EP400: variants seen among roughly 807,000 people sequenced by gnomAD.
The protein encoded by EP400 is E1A binding protein p400, also known as E1A-binding protein p400.
EP400 carries 105 observed loss-of-function variants against 354.1 expected under a neutral mutation model. The observed-to-expected ratio is 0.30, with a 90% CI of 0.25 to 0.35. The LOEUF (loss-of-function observed/expected upper bound fraction) is 0.35. Among genes scored for constraint, EP400 ranks in the 10% least tolerant of loss-of-function variants. EP400 has a pLI of 1.00. For missense variants in EP400, 3,280 were observed against 4,121.0 expected, an observed-to-expected ratio of 0.80 and a Z score of 5.59; for synonymous variants, 1,646 against 1,716.9, an observed-to-expected ratio of 0.96 and a Z score of 1.02.
Position 132,064,839 on chromosome 12 carries a change from G to A in EP400, c.8506G>A (p.Ala2836Thr), listed in dbSNP as rs1222562089. The A allele has an allele frequency of 1.2e-6, 2 of 1,611,946 alleles. No individual in the cohort carries two copies. The highest frequency in any genetic ancestry group is 1.3e-5 in the African/African-American group (1 of 74,918). ...LTTVTAPRPG[A>T]LLTGTTVANL... ...GACGGTCACGGCCCCAAGGCCTGGT[G>A]CCCTGCTGACGGGCACCACCGTGGC... Residue 2836 changes from alanine (A) to threonine (T), a missense_variant, in exon 48 of 53, where the codon GCC (alanine) becomes ACC (threonine). This residue lies in a region of EP400 where 86 missense variants were observed against 66.4 expected (regional missense o/e 1.29). Coordinates refer to ENST00000389561, the MANE Select transcript of EP400 (RefSeq NM_015409.5).
intron 2 of EP400, among the ~76,000 whole-genome samples, chr12:131,978,251 G>A (rs559549274): frequency 9.2e-5 from 14 of 152,120 alleles, no homozygotes; most frequent in Admixed American, 3.9e-4. Flanking sequence ...TTGCTCCCCC[G>A]CCCATGTGCA....
At chr12:132,061,960 A>C (rs1172254175) in intron 45 of EP400, 150 bp from the exon 46 acceptor site, 1 of 653,560 alleles carries the variant, frequency 1.5e-6, no homozygotes, top group African/African-American at 1.8e-5. Context: ...TTACACATGA[A>C]ATCAGCAGTT....
intron 45 of EP400, among the ~76,000 whole-genome samples, chr12:132,060,895 C>T (rs557145258): frequency 3.0e-5 from 4 of 131,488 alleles, no homozygotes; most frequent in Admixed American, 8.8e-5. Context: ...GCCTGGGCAA[C>T]GAGAGCAAGA....
In EP400 at chr12:132,013,732, A is replaced by G. The variant is rs953770963; in HGVS notation, c.3787-45A>G. Reference sequence around the variant, plus strand: ...GTATGCCTTGTTATAAACGTGTTACAGCAGCATTTTTGGAAAGAAAACAGT... The same window carrying G: ...GTATGCCTTGTTATAAACGTGTTACGGCAGCATTTTTGGAAAGAAAACAGT... On this transcript the variant is annotated intron_variant, in intron 18 of 52. Transcript: ENST00000389561. This position sits in a 1 kb window ranked among gnomAD's most constrained non-coding sequence, Gnocchi z 4.5. 3 of 1,610,828 alleles carry G rather than the reference A, an allele frequency of 1.9e-6. No individual in the cohort carries two copies. The highest frequency in any genetic ancestry group is 1.3e-5 in the African/African-American group (1 of 74,712).
chr12:131,989,451 C>G (rs1892961367), intron 7 of EP400, among the ~76,000 whole-genome samples: 1 of 152,240 alleles, frequency 6.6e-6, no homozygotes, highest in African/African-American at 2.4e-5. Flanking sequence ...ATTGTGCTCT[C>G]AGGGCTCCAA....
intron 30 of EP400, among the ~76,000 whole-genome samples, chr12:132,033,272 C>G (rs1894586444): frequency 1.3e-5 from 2 of 152,120 alleles, no homozygotes; most frequent in Non-Finnish European, 2.9e-5. Context: ...AAGATAAAAA[C>G]TATAACTGTC....
intron 48 of EP400, 40 bp downstream of exon 48, chr12:132,064,926 T>G (rs776656224): frequency 1.3e-6 from 2 of 1,554,842 alleles, no homozygotes; most frequent in Non-Finnish European, 1.7e-6. Flanking sequence ...AAGCAGCATC[T>G]TTTTATGTTT....
intron 12 of EP400, among the ~76,000 whole-genome samples, chr12:132,002,250 G>T (rs771117971): frequency 4.6e-5 from 7 of 152,034 alleles, no homozygotes; most frequent in Non-Finnish European, 1.0e-4. Context: ...ATTAATAATT[G>T]GGCCTAGATC....
intron 3 of EP400, 67 bp downstream of exon 3, chr12:131,979,860 G>T: frequency 7.4e-7 from 1 of 1,357,990 alleles, no homozygotes; most frequent in South Asian, 1.4e-5. Context: ...AGGTACAGTT[G>T]CCATGAGTTT....
At chr12:132,019,878 C>T (rs1361550660) in intron 21 of EP400, among the ~76,000 whole-genome samples, 171 bp from the exon 22 acceptor site, 1 of 152,116 alleles carries the variant, frequency 6.6e-6, no homozygotes, top group Non-Finnish European at 1.5e-5. Flanking sequence ...GGTGAGCTTA[C>T]CTAGAGCAGT....
intron 12 of EP400, among the ~76,000 whole-genome samples, chr12:131,998,249 A>G (rs971705108): frequency 6.6e-6 from 1 of 152,048 alleles, no homozygotes; most frequent in Non-Finnish European, 1.5e-5. Context: ...TGTTAGGAGG[A>G]TCTTGTCTAT....
At chr12:132,074,689 G>C (rs1405660612) in intron 51 of EP400, among the ~76,000 whole-genome samples, 1 of 152,166 alleles carries the variant, frequency 6.6e-6, no homozygotes. Flanking sequence ...ACTATATTCT[G>C]AGTCATGTCT....
Position 132,013,246 on chromosome 12 carries a change from T to G in EP400, c.3611+68T>G. The G allele has an allele frequency of 6.6e-7, 1 of 1,525,026 alleles. No homozygotes were observed. The highest frequency in any genetic ancestry group is 8.8e-7 in the Non-Finnish European group (1 of 1,132,312). 94.5% of individuals were successfully genotyped at this position (1,525,026 alleles called of 1,614,324 possible). A position where few individuals can be genotyped will look rare whatever the true frequency, so the allele number is the denominator to read the frequency against. On this transcript the variant is annotated intron_variant, in intron 17 of 52. Transcript: ENST00000389561. This position sits in a 1 kb window ranked among gnomAD's most constrained non-coding sequence, Gnocchi z 4.5. ...GATGTAGAAGATTCTCTTGAAGAAATCTGCATAATTGCAGACACAAACAAT... is the reference window on the plus strand; with the variant it reads ...GATGTAGAAGATTCTCTTGAAGAAAGCTGCATAATTGCAGACACAAACAAT...
chr12:132,067,566 C>A lies in EP400; in HGVS notation c.8874+80C>A. ...GCTGGAGGAGAGGGTCCTAAGCAGA[C>A]AAATCCCCATGTGGCGGCTCACGCT... is the stretch of plus-strand genomic sequence containing the variant. On this transcript the variant is annotated intron_variant, in intron 50 of 52. Coordinates refer to ENST00000389561, the MANE Select transcript of EP400 (RefSeq NM_015409.5). The surrounding 1 kb of genome is among the most constrained non-coding windows in gnomAD (Gnocchi z 5.3). 6.5e-7 allele frequency: 1 copy of A among 1,537,452 alleles called. No homozygotes were observed. The highest frequency in any genetic ancestry group is 1.2e-5 in the South Asian group (1 of 82,958).
At position 132,005,136 on chromosome 12, in the gene EP400, C is replaced by T; in HGVS notation, c.2887C>T (p.Gln963Ter). The T allele has an allele frequency of 6.3e-7, 1 of 1,589,058 alleles. No homozygotes were observed. The highest frequency in any genetic ancestry group is 1.3e-5 in the African/African-American group (1 of 74,744). Residue 963 changes from glutamine (Q) to a stop codon, truncating the protein, a stop_gained, in exon 13 of 53, where the codon CAG (glutamine) becomes TAG (stop). Transcript: ENST00000389561. LOFTEE classifies it high-confidence loss of function. ...CGAAGGCGCCTTCCTGCCGAGTTCTCAGTGGCCCCGGCCGAAGCCTGATGG... is the reference window on the plus strand; with the variant it reads ...CGAAGGCGCCTTCCTGCCGAGTTCTTAGTGGCCCCGGCCGAAGCCTGATGG... ...LYEGAFLPSSQWPRPKPDGED... is the reference protein window; with the variant it reads ...LYEGAFLPSS
At chr12:132,011,889 TG>T (rs887351108) in intron 16 of EP400, among the ~76,000 whole-genome samples, 34 of 152,234 alleles carry the variant, frequency 2.2e-4, no homozygotes, top group Non-Finnish European at 4.3e-4. Flanking sequence ...GCCCAGAAAG[TG>T]GGGCAGTTTG....
In EP400 at chr12:132,077,626, G is replaced by T. The variant is rs1292938083; in HGVS notation, c.9325G>T (p.Val3109Phe). 3 of 1,613,570 alleles carry T rather than the reference G, an allele frequency of 1.9e-6. No individual in the cohort carries two copies. The highest frequency in any genetic ancestry group is 1.3e-5 in the African/African-American group (1 of 74,916). ...CCAGCAGCCCAAGTTACAGATGAGG[G>T]TCCCTGCTGTCAGGCTAAAGACACC... ...PSQQPKLQMR[V>F]PAVRLKTPTK... is the part of the protein sequence containing the mutation. Residue 3109 changes from valine (V) to phenylalanine (F), a missense_variant, in exon 53 of 53, where the codon GTC becomes TTC. By Grantham distance (50) the Val-to-Phe change is conservative. Transcript: ENST00000389561.
Position 132,013,396 on chromosome 12 carries a change from A to G in EP400, c.3612-94A>G. 3 of 1,468,968 alleles carry G rather than the reference A, an allele frequency of 2.0e-6. No homozygotes were observed. The highest frequency in any genetic ancestry group is 2.7e-6 in the Non-Finnish European group (3 of 1,095,450). The allele number at this position is 1,468,968 out of a possible 1,614,324, so 91.0% of individuals were successfully genotyped here. A position where few individuals can be genotyped will look rare whatever the true frequency, so the allele number is the denominator to read the frequency against. ...ACGTTGACATTTGCGGTGTCAAATT[A>G]CTGTCCCTTTTCTCACACATTGTCA... On this transcript the variant is annotated intron_variant, in intron 17 of 52. Coordinates refer to ENST00000389561, the MANE Select transcript of EP400 (RefSeq NM_015409.5). The surrounding 1 kb of genome is among the most constrained non-coding windows in gnomAD (Gnocchi z 4.5).
chr12:131,980,930 G>A (rs1422122641), intron 3 of EP400, among the ~76,000 whole-genome samples: 3 of 151,900 alleles, frequency 2.0e-5, no homozygotes, highest in East Asian at 3.8e-4. Flanking sequence ...AAGTAATAAT[G>A]GTGCTCAATT....
Sources: allele counts gnomAD v4.1 joint callset (sites outside exome capture counted in the v4.1 genomes callset), GRCh38; gene constraint gnomAD v4.1.1; regional missense constraint gnomAD v4.1.1; non-coding constraint Gnocchi (gnomAD v3.1); transcripts MANE v1.5; gene names NCBI Gene and HGNC (gene_info 2026-07-23, HGNC 2026-07-21).